The following SORCS3 variants were observed in gnomAD, a reference collection of about 807,000 sequenced individuals.
SORCS3 encodes VPS10 domain-containing receptor SorCS3.
A neutral mutation model predicts 146.3 loss-of-function variants in SORCS3; 57 were observed. That is an observed-to-expected ratio of 0.39 (90% CI 0.31 to 0.49). SORCS3 has a LOEUF of 0.49. Ranked by LOEUF, SORCS3 falls within the 20% of genes least tolerant of loss-of-function variation. The pLI is 0.92. For synonymous variants in SORCS3, 653 were observed against 618.5 expected (o/e 1.06, Z -0.83); for missense variants, 1,341 against 1,575.5 (o/e 0.85, Z 2.52).
chr10:105,226,564 G>A (rs2056735216), intron 20 of SORCS3, among the ~76,000 whole-genome samples: 1 of 151,942 alleles, frequency 6.6e-6, no homozygotes. Flanking sequence ...GGTAATGCTG[G>A]TCTTGTAGAA....
chr10:105,073,106 G>A (rs893049489), intron 5 of SORCS3, among the ~76,000 whole-genome samples: 31 of 151,608 alleles, frequency 2.0e-4, no homozygotes, highest in African/African-American at 6.8e-4. Context: ...CCTACTATAC[G>A]GTGTTACTAC....
At chr10:105,247,100 A>G (rs2056870906) in intron 21 of SORCS3, 119 bp from the exon 22 acceptor site, 1 of 473,498 alleles carries the variant, frequency 2.1e-6, no homozygotes, top group Non-Finnish European at 3.8e-6. Context: ...ATTCTAGCAG[A>G]AGCCTGGTGA....
At chr10:105,133,071 G>A (rs1019263735) in intron 7 of SORCS3, among the ~76,000 whole-genome samples, 1 of 152,192 alleles carries the variant, frequency 6.6e-6, no homozygotes, top group Non-Finnish European at 1.5e-5. Context: ...ACATTGTGAA[G>A]CAGCAAATGC....
At chr10:104,791,866 C>A (rs957003293) in intron 1 of SORCS3, among the ~76,000 whole-genome samples, 1 of 152,122 alleles carries the variant, frequency 6.6e-6, no homozygotes, top group Non-Finnish European at 1.5e-5. Flanking sequence ...AGGGTTCATT[C>A]TCAACAGAAA....
intron 2 of SORCS3, among the ~76,000 whole-genome samples, chr10:104,863,857 A>T (rs1158865772): frequency 6.6e-6 from 1 of 152,164 alleles, no homozygotes; most frequent in African/African-American, 2.4e-5. Context: ...CATGTGCTGG[A>T]GTCCAGCCAG....
chr10:105,194,678 G>T (rs2056534726), intron 14 of SORCS3, among the ~76,000 whole-genome samples: 1 of 152,054 alleles, frequency 6.6e-6, no homozygotes, highest in Non-Finnish European at 1.5e-5. Flanking sequence ...ATTGTTGATA[G>T]GTTCCGTAGG....
intron 3 of SORCS3, among the ~76,000 whole-genome samples, chr10:104,919,403 G>C (rs966303420): frequency 6.6e-6 from 1 of 151,588 alleles, no homozygotes; most frequent in African/African-American, 2.4e-5. Flanking sequence ...AGAAATTAAC[G>C]TTTGTAGCCA....
chr10:105,103,308 C>T (rs2055799065), intron 6 of SORCS3, among the ~76,000 whole-genome samples: 1 of 152,144 alleles, frequency 6.6e-6, no homozygotes, highest in Non-Finnish European at 1.5e-5. Context: ...TGCATGGCCC[C>T]TTAAGCGTTT....
At chr10:105,250,817 G>A (rs543481842) in intron 22 of SORCS3, among the ~76,000 whole-genome samples, 1 of 152,232 alleles carries the variant, frequency 6.6e-6, no homozygotes, top group East Asian at 1.9e-4. Context: ...CCTGGTTGGT[G>A]GACTCTTTAG....
At chr10:105,058,018 G>A (rs904002570) in intron 5 of SORCS3, among the ~76,000 whole-genome samples, 28 of 152,134 alleles carry the variant, frequency 1.8e-4, no homozygotes, top group African/African-American at 6.3e-4. Context: ...TCATCTCCCC[G>A]CTGGACAGCC....
intron 3 of SORCS3, among the ~76,000 whole-genome samples, chr10:104,957,417 G>T (rs979539710): frequency 6.6e-6 from 1 of 152,136 alleles, no homozygotes; most frequent in African/African-American, 2.4e-5. Flanking sequence ...CATAGGGGTG[G>T]ATCCTTTGTG....
chr10:105,243,540 C>G (rs1289532503), intron 20 of SORCS3, among the ~76,000 whole-genome samples: 1 of 152,138 alleles, frequency 6.6e-6, no homozygotes, highest in Non-Finnish European at 1.5e-5. Context: ...CATGTCAGAA[C>G]CTGCTTACAC....
At chr10:104,697,569 T>TAC (rs2016231628) in intron 1 of SORCS3, among the ~76,000 whole-genome samples, 2 of 152,314 alleles carry the variant, frequency 1.3e-5, no homozygotes, top group African/African-American at 2.4e-5. Flanking sequence ...ACATCAAAGT[T>TAC]AGCCTGTGCA....
rs2056294298 is a variant in SORCS3, at chr10:105,164,358, T to C, written c.1788T>C (p.Asp596=). 4 of 1,613,212 alleles carry C rather than the reference T, an allele frequency of 2.5e-6. No homozygotes were observed. Among genetic ancestry groups the C allele is most frequent in the African/African-American group, 1.3e-5 (1 of 74,996 alleles). ...ATATTGGTGTGTTCATCTCCTCCGATGGGGGCAACACATGGAGACAGGTAA... is the reference window on the plus strand; with the variant it reads ...ATATTGGTGTGTTCATCTCCTCCGACGGGGGCAACACATGGAGACAGGTAA... ...YTDIGVFISS[D]GGNTWRQIFD... The change falls in exon 12 of 27, where the codon GAT becomes GAC. Residue 596 remains aspartate, a synonymous_variant. Coordinates refer to ENST00000369701, the MANE Select transcript of SORCS3 (RefSeq NM_014978.3).
intron 2 of SORCS3, among the ~76,000 whole-genome samples, chr10:104,889,550 T>C (rs1275852404): frequency 6.6e-6 from 1 of 151,870 alleles, no homozygotes; most frequent in Non-Finnish European, 1.5e-5. Context: ...TTTGGGTTTA[T>C]AGTACACATC....
chr10:104,654,896 T>G (rs2015607117), intron 1 of SORCS3, among the ~76,000 whole-genome samples: 1 of 152,234 alleles, frequency 6.6e-6, no homozygotes, highest in Admixed American at 6.5e-5. Context: ...TTAAACACTC[T>G]GCAGAGCCAT....
chr10:105,067,652 C>T (rs1564746365), intron 5 of SORCS3, among the ~76,000 whole-genome samples: 1 of 152,190 alleles, frequency 6.6e-6, no homozygotes, highest in Non-Finnish European at 1.5e-5. Context: ...CTTCAAATCA[C>T]CTTTAAACCC....
chr10:105,098,948 T>C (rs2133748438), intron 6 of SORCS3, among the ~76,000 whole-genome samples: 1 of 152,344 alleles, frequency 6.6e-6, no homozygotes, highest in East Asian at 1.9e-4. Context: ...CAGATAATGC[T>C]GGGATTCTCC....
intron 2 of SORCS3, among the ~76,000 whole-genome samples, chr10:104,877,896 T>C (rs550215440): frequency 2.6e-5 from 4 of 152,346 alleles, no homozygotes; most frequent in Admixed American, 1.3e-4. Context: ...AGTTTTCTTA[T>C]GAGGTCTCCT....
Sources: allele counts gnomAD v4.1 joint callset (sites outside exome capture counted in the v4.1 genomes callset), GRCh38; gene constraint gnomAD v4.1.1; transcripts MANE v1.5; gene names NCBI Gene and HGNC (gene_info 2026-07-23, HGNC 2026-07-21).